The following MAP3K13 variants were observed in gnomAD, a reference collection of about 807,000 sequenced individuals.
The protein encoded by MAP3K13 is leucine zipper-bearing kinase.
A neutral mutation model predicts 104.0 loss-of-function variants in MAP3K13; 52 were observed. That is an observed-to-expected ratio of 0.50 (90% CI 0.40 to 0.63). MAP3K13 has a LOEUF of 0.63. Ranked by LOEUF, MAP3K13 falls within the 20% of genes least tolerant of loss-of-function variation. MAP3K13 has a pLI of 0.00. For synonymous variants in MAP3K13, 394 were observed against 442.2 expected (o/e 0.89, Z 1.37); for missense variants, 914 against 1,218.5 (o/e 0.75, Z 3.72).
intron 2 of MAP3K13, among the ~76,000 whole-genome samples, chr3:185,436,356 G>A (rs1715028499): frequency 6.6e-6 from 1 of 152,092 alleles, no homozygotes; most frequent in African/African-American, 2.4e-5. Flanking sequence ...AGCTATATAA[G>A]TAAGCATATC....
chr3:185,305,430 ATG>A (rs202192376), intron 2 of MAP3K13, among the ~76,000 whole-genome samples: 1,532 of 152,256 alleles, frequency 0.01, 13 homozygotes, highest in Middle Eastern at 0.017. Flanking sequence ...CTCACAAATT[ATG>A]TCTTTTATAC....
chr3:185,374,536 G>A (rs562893543), intron 1 of MAP3K13, among the ~76,000 whole-genome samples: 70 of 152,258 alleles, frequency 4.6e-4, no homozygotes, highest in South Asian at 1.5e-3. Flanking sequence ...TACGAGGTCC[G>A]AATAAGAGAA....
chr3:185,300,315 G>T lies in MAP3K13; in HGVS notation c.-86+14672G>T, dbSNP rs62288700. Among the ~76,000 whole-genome samples the T allele has an allele frequency of 4.2e-3, 631 of 149,062 alleles. 2 individuals are homozygous for T. Among genetic ancestry groups the T allele is most frequent in the Non-Finnish European group, 7.6e-3 (510 of 67,512 alleles). On this transcript the variant is annotated intron_variant, in intron 2 of 14. Coordinates refer to the MAP3K13 transcript ENST00000424227. ...AGCTATTCTCCTGCCTCAGCCTCCC[G>T]AGTAGCTGGGACAGGCACCCGCCAC...
At chr3:185,375,900 C>A (rs1283796244) in intron 1 of MAP3K13, among the ~76,000 whole-genome samples, 1 of 152,116 alleles carries the variant, frequency 6.6e-6, no homozygotes, top group East Asian at 1.9e-4. Context: ...TATTTAGAGT[C>A]AGTATAAATA....
chr3:185,442,603 G>A (rs1027054466), intron 3 of MAP3K13, among the ~76,000 whole-genome samples: 2 of 150,186 alleles, frequency 1.3e-5, no homozygotes, highest in African/African-American at 4.9e-5. Context: ...GCACGATCTT[G>A]GCTCACTGCA....
At chr3:185,293,407 G>A (rs1720814871) in intron 2 of MAP3K13, among the ~76,000 whole-genome samples, 1 of 151,312 alleles carries the variant, frequency 6.6e-6, no homozygotes, top group Admixed American at 6.6e-5. Flanking sequence ...CACCATGCCT[G>A]GCCTCTTTTT....
At chr3:185,384,241 C>T (rs1303182734) in intron 1 of MAP3K13, among the ~76,000 whole-genome samples, 1 of 151,930 alleles carries the variant, frequency 6.6e-6, no homozygotes, top group Non-Finnish European at 1.5e-5. Context: ...ACATAATGAC[C>T]TCCAGCTCTA....
rs1717909789 is a variant in MAP3K13, at chr3:185,473,223, TTCA to T, written c.1896_1898del (p.His634del). The T allele has an allele frequency of 6.2e-7, 1 of 1,614,192 alleles. No individual in the cohort carries two copies. The highest frequency in any genetic ancestry group is 1.3e-5 in the African/African-American group (1 of 75,050). On this transcript the variant is annotated inframe_deletion, in exon 11 of 14. Coordinates refer to ENST00000265026, the MANE Select transcript of MAP3K13 (RefSeq NM_004721.5). The surrounding 1 kb of genome is among the most constrained non-coding windows in gnomAD (Gnocchi z 4.9). Reference sequence around the variant, plus strand: ...CAAGCTCAATCCCAATACCCTTCTCTTCATCACCATAATTCTCTGCAGCAGCAA... The same window carrying T: ...CAAGCTCAATCCCAATACCCTTCTCTTCACCATAATTCTCTGCAGCAGCAA...
At position 185,320,237 on chromosome 3, in the gene MAP3K13, C is replaced by T. The variant is rs536103239; in HGVS notation, c.-86+34594C>T. Among the ~76,000 whole-genome samples the T allele has an allele frequency of 7.2e-4, 110 of 152,118 alleles. No homozygotes were observed. The Middle Eastern group carries it at 0.01, about 14-fold the overall frequency. Reference sequence around the variant, plus strand: ...CTGGGATTACAGGCGCCCGCCACCACGCCCAGCTAATTTTTGTATTTTTAG... The same window carrying T: ...CTGGGATTACAGGCGCCCGCCACCATGCCCAGCTAATTTTTGTATTTTTAG... On this transcript the variant is annotated intron_variant, in intron 2 of 14. Transcript: ENST00000424227.
intron 1 of MAP3K13, among the ~76,000 whole-genome samples, chr3:185,386,009 A>G (rs1380586955): frequency 2.0e-5 from 3 of 152,168 alleles, no homozygotes; most frequent in African/African-American, 7.2e-5. Flanking sequence ...CTTAAAAAAA[A>G]AAAAAGTTAA....
rs1323861025 is a variant in MAP3K13 at position 185,423,149 on chromosome 3, T to C, written c.-85-5348T>C. The stretch of plus-strand genomic sequence containing the variant: ...TCTACATTATAGTGAGTTGTAGAAT[T>C]ACTTCATTATGTATTACAATGTAAT... On this transcript the variant is annotated intron_variant, in intron 1 of 13. Coordinates refer to ENST00000265026, the MANE Select transcript of MAP3K13 (RefSeq NM_004721.5). The surrounding 1 kb of genome is among the most constrained non-coding windows in gnomAD (Gnocchi z 4.1). Among the ~76,000 whole-genome samples the C allele has an allele frequency of 6.6e-6, 1 of 152,226 alleles. No homozygotes were observed. Among genetic ancestry groups the C allele is most frequent in the African/African-American group, 2.4e-5 (1 of 41,466 alleles).
intron 4 of MAP3K13, among the ~76,000 whole-genome samples, chr3:185,445,170 T>C (rs1560110044): frequency 6.6e-6 from 1 of 152,154 alleles, no homozygotes; most frequent in Non-Finnish European, 1.5e-5. Flanking sequence ...AAACTAGAGA[T>C]TAGCCCAAAG....
intron 2 of MAP3K13, among the ~76,000 whole-genome samples, chr3:185,331,239 A>G (rs759236902): frequency 1.3e-4 from 20 of 151,508 alleles, no homozygotes; most frequent in Admixed American, 6.6e-4. Flanking sequence ...GATTACAGAC[A>G]TGCGCCACCA....
At chr3:185,353,794 G>C (rs1316247468) in intron 2 of MAP3K13, among the ~76,000 whole-genome samples, 1 of 152,104 alleles carries the variant, frequency 6.6e-6, no homozygotes, top group Non-Finnish European at 1.5e-5. Context: ...ATTTGATATG[G>C]ACCTTGGGGG....
At chr3:185,454,778 G>C (rs1386382808) in intron 7 of MAP3K13, among the ~76,000 whole-genome samples, 1 of 98,406 alleles carries the variant, frequency 1.0e-5, no homozygotes, top group African/African-American at 4.0e-5. Context: ...ATATATATGA[G>C]ATATATACAT....
intron 8 of MAP3K13, among the ~76,000 whole-genome samples, chr3:185,464,326 C>A (rs1717286063): frequency 6.6e-6 from 1 of 152,102 alleles, no homozygotes; most frequent in Non-Finnish European, 1.5e-5. Context: ...CACGAATAAT[C>A]ACTGATATGG....
intron 2 of MAP3K13, among the ~76,000 whole-genome samples, chr3:185,290,559 A>G (rs903460420): frequency 3.9e-5 from 6 of 152,174 alleles, no homozygotes; most frequent in African/African-American, 1.4e-4. Context: ...TATTGAAACC[A>G]ATTTTGTAGA....
intron 2 of MAP3K13, among the ~76,000 whole-genome samples, chr3:185,303,553 T>A (rs9810004): frequency 0.68 from 103,235 of 151,352 alleles, 36,572 homozygotes; most frequent in Non-Finnish European, 0.78. Context: ...TCTTGGTAGG[T>A]TGTATGTTTC....
chr3:185,398,845 A>G (rs1577508961), intron 1 of MAP3K13, among the ~76,000 whole-genome samples: 1 of 152,250 alleles, frequency 6.6e-6, no homozygotes, highest in Non-Finnish European at 1.5e-5. Context: ...TCTGATATCC[A>G]TGGAAATAAT....
Sources: gnomAD v4.1 joint callset for allele counts (sites outside exome capture counted in the v4.1 genomes callset) on GRCh38, gnomAD v4.1.1 for gene constraint, Gnocchi (gnomAD v3.1) non-coding constraint, MANE v1.5 for transcripts, NCBI Gene and HGNC (gene_info 2026-07-23, HGNC 2026-07-21) for gene names.